The following UTS2 variants were observed in gnomAD, a reference collection of about 807,000 sequenced individuals.
UTS2 encodes the protein urotensin 2, also known as urotensin-2.
A neutral mutation model predicts 12.6 loss-of-function variants in UTS2; 10 were observed. That is an observed-to-expected ratio of 0.80 (90% CI 0.49 to 1.35). UTS2 has a LOEUF of 1.35. Among genes scored for constraint, UTS2 ranks in the 40% most tolerant of loss-of-function variants. The pLI, the probability that UTS2 is intolerant of heterozygous loss-of-function variation, is 0.00. For synonymous variants in UTS2, 52 were observed against 50.0 expected, an observed-to-expected ratio of 1.04 and a Z score of -0.17; for missense variants, 142 against 143.2, an observed-to-expected ratio of 0.99 and a Z score of 0.04.
the UTS2 span, among the ~76,000 whole-genome samples, chr1:7,902,697 A>G: frequency 2.6e-5 from 4 of 152,042 alleles, no homozygotes; most frequent in African/African-American, 9.7e-5. Context: ...AAAGTGCTGA[A>G]GAAGTGAGCC....
chr1:7,888,641 A>G, the UTS2 span, among the ~76,000 whole-genome samples: 2 of 152,228 alleles, frequency 1.3e-5, no homozygotes, highest in Non-Finnish European at 2.9e-5. Context: ...AAGACGAAGG[A>G]GGTTAAAATT....
the UTS2 span, among the ~76,000 whole-genome samples, chr1:7,899,567 C>T: frequency 5.3e-5 from 8 of 152,160 alleles, no homozygotes; most frequent in Admixed American, 1.3e-4. Flanking sequence ...AGTGCAGTGG[C>T]GTGATCATGA....
the UTS2 span, among the ~76,000 whole-genome samples, chr1:7,887,762 G>GAA: frequency 1.0e-4 from 13 of 126,516 alleles, no homozygotes; most frequent in African/African-American, 2.0e-4. Context: ...TCTCTAAAAG[G>GAA]AAAAAAAAAA....
chr1:7,867,746 G>A, the UTS2 span, among the ~76,000 whole-genome samples: 75,664 of 151,300 alleles, frequency 0.5, 20,099 homozygotes, highest in East Asian at 0.71. Flanking sequence ...TGTGGTGGTG[G>A]GTGCCTGTAA....
chr1:7,864,855 AAGG>A, the UTS2 span, among the ~76,000 whole-genome samples: 1 of 152,200 alleles, frequency 6.6e-6, no homozygotes, highest in East Asian at 1.9e-4. Context: ...TCAGAGGGTG[AAGG>A]AGGAGTTTCC....
upstream of UTS2, among the ~76,000 whole-genome samples, chr1:7,856,653 C>T (rs564082072): frequency 1.2e-4 from 5 of 40,626 alleles, no homozygotes; most frequent in South Asian, 6.4e-4. Context: ...GGAAAGTGCT[C>T]GAATCACTTA....
chr1:7,907,482 C>CAAAAAAATTTAAACATTTTTTTAAATTT, the UTS2 span, among the ~76,000 whole-genome samples: 8 of 151,408 alleles, frequency 5.3e-5, no homozygotes, highest in Middle Eastern at 3.4e-3. Flanking sequence ...TTCATCTTTA[C>CAAAAAAATTTAAACATTTTTTTAAATTT]AAAAAAATTT....
chr1:7,855,742 C>T (rs1391284310), upstream of UTS2, among the ~76,000 whole-genome samples: 4 of 151,476 alleles, frequency 2.6e-5, no homozygotes, highest in Admixed American at 2.6e-4. Flanking sequence ...CACTCTGTCA[C>T]CCAGGCTGGA....
In UTS2 at chr1:7,853,057, A is replaced by C; in HGVS notation, c.-54T>G. The stretch of plus-strand genomic sequence containing the variant: ...TTGGCTTCTGTTGTAGAGAACTTTC[A>C]ACTGTCTCCTCATTCTGCCTGCTCA... On this transcript the variant is annotated 5_prime_UTR_variant, in exon 1 of 4. Coordinates refer to ENST00000361696, the MANE Select transcript of UTS2 (RefSeq NM_006786.4). The C allele has an allele frequency of 6.3e-7, 1 of 1,584,346 alleles. No individual in the cohort carries two copies. Among genetic ancestry groups the C allele is most frequent in the Non-Finnish European group, 8.5e-7 (1 of 1,169,798 alleles).
At chr1:7,857,981 G>C (rs914867679), upstream of UTS2, among the ~76,000 whole-genome samples, 1 of 152,102 alleles carries the variant, frequency 6.6e-6, no homozygotes, top group African/African-American at 2.4e-5. Flanking sequence ...ACGGACTCAG[G>C]CCAAGAGACA....
the UTS2 span, among the ~76,000 whole-genome samples, chr1:7,869,617 T>C: frequency 6.6e-6 from 1 of 152,346 alleles, no homozygotes; most frequent in African/African-American, 2.4e-5. Flanking sequence ...ATCACCATCC[T>C]GGTGACCTAG....
chr1:7,850,226 TCC>T (rs2151382390), intron 2 of UTS2, among the ~76,000 whole-genome samples: 1 of 152,256 alleles, frequency 6.6e-6, no homozygotes, highest in East Asian at 1.9e-4. Context: ...CACCTCAGCC[TCC>T]CAAAGTGCTG....
the UTS2 span, among the ~76,000 whole-genome samples, chr1:7,886,467 G>C: frequency 6.6e-6 from 1 of 152,132 alleles, no homozygotes; most frequent in Admixed American, 6.5e-5. Flanking sequence ...TCTGAACGAT[G>C]TAGACCAATC....
At chr1:7,878,157 C>T in the UTS2 span, among the ~76,000 whole-genome samples, 2 of 152,258 alleles carry the variant, frequency 1.3e-5, no homozygotes, top group African/African-American at 4.8e-5. Context: ...AATAAAACTG[C>T]CAGCCAGGAT....
chr1:7,849,792 T>C (rs2097412022), intron 2 of UTS2, 109 bp from the exon 3 acceptor site: 2 of 957,116 alleles, frequency 2.1e-6, no homozygotes, highest in African/African-American at 1.7e-5. Context: ...TCTGGTCTTT[T>C]TCCACACTGC....
At chr1:7,857,065 GAA>G (rs1638326193), upstream of UTS2, among the ~76,000 whole-genome samples, 1 of 143,312 alleles carries the variant, frequency 7.0e-6, no homozygotes, top group Non-Finnish European at 1.5e-5. Context: ...TGTAGGAAAA[GAA>G]AGAGAGAGAG....
chr1:7,895,101 G>A, the UTS2 span, among the ~76,000 whole-genome samples: 20 of 152,162 alleles, frequency 1.3e-4, no homozygotes, highest in Non-Finnish European at 2.6e-4. Context: ...TGGCACGGTG[G>A]CTCACACCTG....
the UTS2 span, among the ~76,000 whole-genome samples, chr1:7,892,758 A>G: frequency 6.6e-6 from 1 of 151,984 alleles, no homozygotes; most frequent in Non-Finnish European, 1.5e-5. Flanking sequence ...AAGTGCTGGG[A>G]TTACAGCTGT....
the UTS2 span, among the ~76,000 whole-genome samples, chr1:7,875,477 G>C: frequency 6.6e-6 from 1 of 152,102 alleles, no homozygotes; most frequent in African/African-American, 2.4e-5. Context: ...TTCCCAGGGC[G>C]TGAGGACAAG....
Sources: gnomAD v4.1 joint callset for allele counts (sites outside exome capture counted in the v4.1 genomes callset) on GRCh38, gnomAD v4.1.1 for gene constraint, MANE v1.5 for transcripts, NCBI Gene and HGNC (gene_info 2026-07-23, HGNC 2026-07-21) for gene names.